RAD51B: variants seen among roughly 807,000 people sequenced by gnomAD.
The protein encoded by RAD51B is DNA repair protein RAD51 homolog 2.
A neutral mutation model predicts 42.2 loss-of-function variants in RAD51B; 38 were observed. That is an observed-to-expected ratio of 0.90 (90% CI 0.70 to 1.18). RAD51B has a LOEUF of 1.18. Among genes scored for constraint, RAD51B ranks in the 50% most tolerant of loss-of-function variants. The probability of loss-of-function intolerance (pLI) is 0.00; values close to 1 mark genes in which losing one functional copy is unlikely to be tolerated. For missense variants in RAD51B, 373 were observed against 400.7 expected (o/e 0.93, Z 0.59); for synonymous variants, 154 against 145.2 (o/e 1.06, Z -0.43).
At chr14:68,161,301 A>C (rs981606044) in intron 7 of RAD51B, among the ~76,000 whole-genome samples, 1 of 152,170 alleles carries the variant, frequency 6.6e-6, no homozygotes, top group African/African-American at 2.4e-5. Flanking sequence ...CTTTATTATT[A>C]TTCAGGTTTT....
chr14:67,934,836 G>A (rs535456627), intron 7 of RAD51B, among the ~76,000 whole-genome samples: 2 of 152,156 alleles, frequency 1.3e-5, no homozygotes, highest in South Asian at 2.1e-4. Context: ...TACGTTGAAC[G>A]AATGGTAGGA....
intron 9 of RAD51B, among the ~76,000 whole-genome samples, chr14:68,453,262 A>G (rs1228492992): frequency 6.6e-6 from 1 of 152,242 alleles, no homozygotes; most frequent in Non-Finnish European, 1.5e-5. Context: ...GTTAATCCAA[A>G]AAGACAAAGA....
chr14:68,010,289 A>G (rs56147109), intron 7 of RAD51B, among the ~76,000 whole-genome samples: 103 of 152,026 alleles, frequency 6.8e-4, no homozygotes, highest in Admixed American at 2.7e-3. Flanking sequence ...TGAGATTAAA[A>G]TGATTTTTAA....
intron 5 of RAD51B, among the ~76,000 whole-genome samples, chr14:67,884,863 T>C (rs915146785): frequency 6.6e-6 from 1 of 152,238 alleles, no homozygotes; most frequent in Non-Finnish European, 1.5e-5. Context: ...TGTTTTGGGC[T>C]TTTCTCTTTT....
intron 9 of RAD51B, among the ~76,000 whole-genome samples, chr14:68,415,419 A>C (rs2084531393): frequency 6.6e-6 from 1 of 152,192 alleles, no homozygotes; most frequent in Admixed American, 6.5e-5. Flanking sequence ...CCTTTATTTA[A>C]TCACCTCTTC....
At chr14:68,613,900 G>GT (rs2140110574), downstream of RAD51B, among the ~76,000 whole-genome samples, 1 of 152,344 alleles carries the variant, frequency 6.6e-6, no homozygotes, top group Admixed American at 6.5e-5. Context: ...TGGGGCTAGA[G>GT]TTTAGGGCCT....
intron 5 of RAD51B, among the ~76,000 whole-genome samples, chr14:67,884,748 G>A (rs2043012967): frequency 6.6e-6 from 1 of 151,954 alleles, no homozygotes; most frequent in South Asian, 2.1e-4. Context: ...TATTCATGAA[G>A]TATTTTTTCC....
chr14:68,514,803 T>C (rs1886015593), intron 10 of RAD51B, among the ~76,000 whole-genome samples: 1 of 152,208 alleles, frequency 6.6e-6, no homozygotes, highest in Non-Finnish European at 1.5e-5. Context: ...TGTTTTCAAC[T>C]CCCAAATTAC....
chr14:68,230,595 AG>A (rs952879807), intron 7 of RAD51B, among the ~76,000 whole-genome samples: 1 of 152,206 alleles, frequency 6.6e-6, no homozygotes, highest in Non-Finnish European at 1.5e-5. Context: ...TACCAAAAAA[AG>A]GACATTCAAA....
intron 8 of RAD51B, among the ~76,000 whole-genome samples, chr14:68,359,775 G>A (rs1386296336): frequency 1.3e-5 from 2 of 152,176 alleles, no homozygotes; most frequent in Admixed American, 6.5e-5. Flanking sequence ...AAAGAGTGGT[G>A]GTGGTTCTTT....
intron 7 of RAD51B, among the ~76,000 whole-genome samples, chr14:68,128,282 T>C (rs879458430): frequency 6.6e-6 from 1 of 152,204 alleles, no homozygotes; most frequent in Non-Finnish European, 1.5e-5. Context: ...CCCAGAGAAA[T>C]AGACCTTCAA....
At chr14:68,472,723 G>A (rs2086157101) in intron 10 of RAD51B, among the ~76,000 whole-genome samples, 1 of 152,336 alleles carries the variant, frequency 6.6e-6, no homozygotes, top group Admixed American at 6.5e-5. Context: ...GGGAGCTGGG[G>A]AGACCAGGGC....
chr14:68,259,827 C>G (rs537130661), intron 7 of RAD51B, among the ~76,000 whole-genome samples: 1 of 152,174 alleles, frequency 6.6e-6, no homozygotes, highest in South Asian at 2.1e-4. Flanking sequence ...AGCGATATGG[C>G]TATGGCTATA....
intron 10 of RAD51B, among the ~76,000 whole-genome samples, chr14:68,645,253 T>C (rs1892541298): frequency 6.6e-6 from 1 of 152,230 alleles, no homozygotes; most frequent in Non-Finnish European, 1.5e-5. Flanking sequence ...ATAGCATTTG[T>C]CTTTTAGTGA....
At chr14:68,431,995 C>A (rs142336553) in intron 9 of RAD51B, among the ~76,000 whole-genome samples, 23,949 of 152,198 alleles carry the variant, frequency 0.16, 2,491 homozygotes, top group Non-Finnish European at 0.23. Flanking sequence ...TTTCTGCCTT[C>A]ATTTCGTTAT....
At chr14:67,862,040 T>C (rs949565829) in intron 4 of RAD51B, among the ~76,000 whole-genome samples, 19 of 152,002 alleles carry the variant, frequency 1.2e-4, no homozygotes, top group Admixed American at 3.3e-4. Flanking sequence ...TGTTAGACAG[T>C]AGGAATAAAT....
chr14:68,676,993 C>G (rs1479421709), intron 11 of RAD51B, among the ~76,000 whole-genome samples: 2 of 152,160 alleles, frequency 1.3e-5, no homozygotes, highest in Non-Finnish European at 2.9e-5. Context: ...CTCCCACAGC[C>G]AAAGGCCCCA....
chr14:67,914,583 C>A (rs1044497997), intron 7 of RAD51B, among the ~76,000 whole-genome samples: 7 of 151,908 alleles, frequency 4.6e-5, no homozygotes, highest in Non-Finnish European at 5.9e-5. Context: ...TTTATATTTT[C>A]TTTTATTATG....
At chr14:68,587,002 C>G (rs1467900029) in intron 10 of RAD51B, among the ~76,000 whole-genome samples, 1 of 150,550 alleles carries the variant, frequency 6.6e-6, no homozygotes, top group East Asian at 1.9e-4. Flanking sequence ...GTACTCCAGC[C>G]AACAAGAGCA....
Sources: allele counts gnomAD v4.1 joint callset (sites outside exome capture counted in the v4.1 genomes callset), GRCh38; gene constraint gnomAD v4.1.1; transcripts MANE v1.5; gene names NCBI Gene and HGNC (gene_info 2026-07-23, HGNC 2026-07-21).